The following SEC14L1 variants were observed in gnomAD, a reference collection of about 807,000 sequenced individuals.
SEC14L1 encodes the protein SEC14 like lipid binding 1.
Under a neutral mutation model 85.3 loss-of-function variants are expected in SEC14L1, and 48 were observed. The observed-to-expected ratio is 0.56, with a 90% CI of 0.45 to 0.72. The LOEUF (loss-of-function observed/expected upper bound fraction) is 0.72, where lower values mean the gene tolerates loss of function less well. Among genes scored for constraint, SEC14L1 ranks in the 30% least tolerant of loss-of-function variants. The pLI is 0.00. For missense variants in SEC14L1, 682 were observed against 921.4 expected, an observed-to-expected ratio of 0.74 and a Z score of 3.36; for synonymous variants, 391 against 355.5, an observed-to-expected ratio of 1.10 and a Z score of -1.12.
chr17:77,148,093 A>G (rs370124003), intron 3 of SEC14L1, among the ~76,000 whole-genome samples: 1 of 152,208 alleles, frequency 6.6e-6, no homozygotes, highest in African/African-American at 2.4e-5. Context: ...ATAAAGCACA[A>G]ACTTTAAAAG....
intron 3 of SEC14L1, among the ~76,000 whole-genome samples, chr17:77,171,830 T>C (rs1052208086): frequency 6.6e-6 from 1 of 152,206 alleles, no homozygotes; most frequent in Non-Finnish European, 1.5e-5. Flanking sequence ...CTTTTTTCTT[T>C]TATTACTTGC....
At chr17:77,181,039 C>T (rs968770261) in intron 3 of SEC14L1, 13 of 152,180 alleles carry the variant, frequency 8.5e-5, no homozygotes, top group African/African-American at 3.1e-4. Flanking sequence ...GAAGTAGCTT[C>T]GATGTTTATT....
intron 3 of SEC14L1, among the ~76,000 whole-genome samples, chr17:77,157,720 GT>G (rs1973872563): frequency 6.6e-6 from 1 of 152,082 alleles, no homozygotes; most frequent in Non-Finnish European, 1.5e-5. Flanking sequence ...TAGAGACGGG[GT>G]TTCACCATGT....
chr17:77,112,254 C>G (rs1972064315), intron 3 of SEC14L1, among the ~76,000 whole-genome samples: 2 of 152,160 alleles, frequency 1.3e-5, no homozygotes, highest in Non-Finnish European at 2.9e-5. Context: ...GTCCATTAAA[C>G]CTCTTTACTT....
chr17:77,099,649 T>C (rs1444480174), intron 3 of SEC14L1, among the ~76,000 whole-genome samples: 1 of 152,026 alleles, frequency 6.6e-6, no homozygotes, highest in Non-Finnish European at 1.5e-5. Context: ...GCCAGCTACT[T>C]GGAGGCTGAG....
intron 14 of SEC14L1, chr17:77,211,714 C>G: frequency 1.8e-6 from 1 of 563,316 alleles, no homozygotes; most frequent in Non-Finnish European, 3.2e-6. Flanking sequence ...GATCTTGGAC[C>G]TCTAGGTGCA....
At chr17:77,092,737 T>A (rs1044453636) in intron 2 of SEC14L1, among the ~76,000 whole-genome samples, 1 of 151,540 alleles carries the variant, frequency 6.6e-6, no homozygotes, top group Admixed American at 6.6e-5. Context: ...TCACCTGAGG[T>A]CGGGAGTTCA....
chr17:77,209,578 G>C, intron 14 of SEC14L1, 102 bp downstream of exon 14: 6 of 1,254,182 alleles, frequency 4.8e-6, no homozygotes, highest in Non-Finnish European at 6.5e-6. Context: ...CAGTCCACTC[G>C]TTTTTCTGCT....
chr17:77,151,120 AC>A (rs907639258), intron 3 of SEC14L1, among the ~76,000 whole-genome samples: 8 of 152,032 alleles, frequency 5.3e-5, no homozygotes, highest in African/African-American at 1.7e-4. Context: ...ATTTGTTTTT[AC>A]CCAAACGAAT....
chr17:77,207,707 C>T (rs1976537464), intron 13 of SEC14L1, among the ~76,000 whole-genome samples: 1 of 152,182 alleles, frequency 6.6e-6, no homozygotes, highest in Admixed American at 6.5e-5. Flanking sequence ...CCACCTCGGC[C>T]TTCCAAAGTG....
At chr17:77,210,310 C>T (rs573669037) in intron 14 of SEC14L1, 1 of 152,322 alleles carries the variant, frequency 6.6e-6, no homozygotes, top group Non-Finnish European at 1.5e-5. Flanking sequence ...TGCCATATGT[C>T]TGTCCTGTAG....
At chr17:77,180,433 G>A (rs1338450953) in intron 3 of SEC14L1, among the ~76,000 whole-genome samples, 2 of 150,732 alleles carry the variant, frequency 1.3e-5, no homozygotes, top group African/African-American at 2.4e-5. Flanking sequence ...TCTTGTTTTT[G>A]TTTGAGATAA....
At chr17:77,098,156 G>C (rs1221516468) in intron 3 of SEC14L1, among the ~76,000 whole-genome samples, 1 of 152,100 alleles carries the variant, frequency 6.6e-6, no homozygotes, top group Non-Finnish European at 1.5e-5. Flanking sequence ...ATCTACTCTT[G>C]CCTTTTAGGA....
intron 3 of SEC14L1, among the ~76,000 whole-genome samples, chr17:77,096,300 C>T (rs1971641216): frequency 2.0e-5 from 3 of 151,808 alleles, no homozygotes; most frequent in Admixed American, 2.0e-4. Context: ...TGGCTCAAAC[C>T]TGTAATCCCA....
chr17:77,139,647 G>A (rs566675479), upstream of SEC14L1, among the ~76,000 whole-genome samples: 1 of 151,770 alleles, frequency 6.6e-6, no homozygotes, highest in Non-Finnish European at 1.5e-5. Context: ...ACAGGCGCCC[G>A]CCACCACGCC....
chr17:77,104,587 C>T (rs894698610), intron 3 of SEC14L1, among the ~76,000 whole-genome samples: 2 of 150,008 alleles, frequency 1.3e-5, no homozygotes, highest in African/African-American at 4.9e-5. Flanking sequence ...GTCAGGAGAT[C>T]AAGACCATCC....
chr17:77,136,897 A>G (rs1053146527), upstream of SEC14L1, among the ~76,000 whole-genome samples: 4 of 151,554 alleles, frequency 2.6e-5, no homozygotes, highest in Non-Finnish European at 4.4e-5. Flanking sequence ...GAAAGCAATA[A>G]TTTCTTTTTC....
chr17:77,183,200 A>G (rs1363760226), intron 3 of SEC14L1, among the ~76,000 whole-genome samples: 1 of 152,248 alleles, frequency 6.6e-6, no homozygotes, highest in Non-Finnish European at 1.5e-5. Context: ...TTTCTCCCCT[A>G]AAGCTACCTT....
At chr17:77,140,732 C>T (rs931706412), upstream of SEC14L1, 2 of 152,166 alleles carry the variant, frequency 1.3e-5, no homozygotes. Context: ...GCACATCCAG[C>T]AGTGCGACGG....
Sources: gnomAD v4.1 joint callset for allele counts (sites outside exome capture counted in the v4.1 genomes callset) on GRCh38, gnomAD v4.1.1 for gene constraint, MANE v1.5 for transcripts, NCBI Gene and HGNC (gene_info 2026-07-23, HGNC 2026-07-21) for gene names.